Variants in MRC1 observed in about 807,000 individuals in gnomAD.
MRC1 encodes the protein macrophage mannose receptor 1.
A neutral mutation model predicts 102.9 loss-of-function variants in MRC1; 62 were observed. The observed-to-expected ratio is 0.60, with a 90% CI of 0.49 to 0.74. The LOEUF (loss-of-function observed/expected upper bound fraction) is 0.74, where lower values mean the gene tolerates loss of function less well. MRC1 is among the 30% of genes least tolerant of loss of function. The pLI, the probability that MRC1 is intolerant of heterozygous loss-of-function variation, is 0.00. For missense variants in MRC1, 1,237 were observed against 862.8 expected (o/e 1.43, Z -5.43); for synonymous variants, 457 against 298.4 (o/e 1.53, Z -5.48).
chr10:17,848,178 T>C (rs2130639359), intron 6 of MRC1, among the ~76,000 whole-genome samples: 1 of 152,278 alleles, frequency 6.6e-6, no homozygotes, highest in Admixed American at 6.5e-5. Flanking sequence ...AACGAACATA[T>C]ACTAAGACAG....
At position 17,902,002 on chromosome 10, in the gene MRC1, C is replaced by T. The variant is rs1833835611; in HGVS notation, c.3679C>T (p.Pro1227Ser). The change falls in exon 26 of 30, where the codon CCT becomes TCT. Residue 1227 changes from proline to serine, a missense_variant. Physicochemically the swap from Pro to Ser is moderately conservative, Grantham distance 74 (BLOSUM62 -1). Coordinates refer to ENST00000569591, the MANE Select transcript of MRC1 (RefSeq NM_002438.4). The part of the protein sequence containing the change: ...EIPATEPPQL[P>S]GRCPESDHTA... ...CCCTGCTACTGAACCCCCACAACTG[C>T]CTGGCAGATGCCCGGAGTCAGATCA... 5.1e-6 allele frequency: 4 copies of T among 780,776 alleles called. No individual in the cohort carries two copies. The Admixed American group carries it at 6.8e-5, about 13-fold the overall frequency. The allele number at this position is 780,776 out of a possible 1,614,324, so 48.4% of individuals were successfully genotyped here. A position where few individuals can be genotyped will look rare whatever the true frequency, so the allele number is the denominator to read the frequency against.
chr10:17,852,461 C>T (rs1838931517), intron 7 of MRC1, among the ~76,000 whole-genome samples: 1 of 152,068 alleles, frequency 6.6e-6, no homozygotes, highest in Non-Finnish European at 1.5e-5. Context: ...ACGGAAGTAT[C>T]TAGAATGTTC....
chr10:17,904,398 C>T (rs983997699), intron 26 of MRC1, among the ~76,000 whole-genome samples: 1 of 152,018 alleles, frequency 6.6e-6, no homozygotes, highest in Non-Finnish European at 1.5e-5. Context: ...TAGAAAATTC[C>T]TGCTTGACAG....
chr10:17,842,940 C>T (rs911607531), intron 5 of MRC1, among the ~76,000 whole-genome samples: 2 of 152,164 alleles, frequency 1.3e-5, no homozygotes, highest in Non-Finnish European at 2.9e-5. Flanking sequence ...TTTCTTCCAA[C>T]TAAAATTAGA....
intron 8 of MRC1, among the ~76,000 whole-genome samples, chr10:17,855,029 A>G (rs1213556871): frequency 6.6e-6 from 1 of 152,114 alleles, no homozygotes; most frequent in East Asian, 1.9e-4. Flanking sequence ...CAGCGAAGGG[A>G]AGGAAAGGAG....
In MRC1 at chr10:17,885,269, C is replaced by G; in HGVS notation, c.2981C>G (p.Ala994Gly). The G allele has an allele frequency of 1.3e-6, 1 of 780,820 alleles. No homozygotes were observed. Among genetic ancestry groups the G allele is most frequent in the East Asian group, 2.4e-5 (1 of 41,248 alleles). The allele number at this position is 780,820 out of a possible 1,614,324, so 48.4% of individuals were successfully genotyped here. A position where few individuals can be genotyped will look rare whatever the true frequency, so the allele number is the denominator to read the frequency against. ...LVSIQNEKEQ[A>G]FLTYHMKDST... is the part of the protein sequence containing the mutation. Reference sequence around the variant, plus strand: ...ATTATATCATGAAATTTTCTTTCAGCATTTCTTACCTATCACATGAAGGAC... The same window carrying G: ...ATTATATCATGAAATTTTCTTTCAGGATTTCTTACCTATCACATGAAGGAC... The change falls in exon 22 of 30, where the codon GCA becomes GGA. Residue 994 changes from alanine to glycine, a missense_variant and splice_region_variant. Physicochemically the swap from Ala to Gly is moderately conservative, Grantham distance 60. Coordinates refer to ENST00000569591, the MANE Select transcript of MRC1 (RefSeq NM_002438.4).
At chr10:17,884,317 A>G (rs1017436219) in intron 21 of MRC1, among the ~76,000 whole-genome samples, 97 of 152,260 alleles carry the variant, frequency 6.4e-4, no homozygotes, top group African/African-American at 2.2e-3. Context: ...ATCCAAGCAC[A>G]CTGAGTATAT....
chr10:17,852,434 A>G (rs1838931035), intron 7 of MRC1, among the ~76,000 whole-genome samples: 2 of 152,198 alleles, frequency 1.3e-5, no homozygotes, highest in African/African-American at 4.8e-5. Context: ...CACTCCCAGT[A>G]CAGTGATTGA....
At chr10:17,895,710 A>T (rs958844317) in intron 23 of MRC1, among the ~76,000 whole-genome samples, 8 of 152,344 alleles carry the variant, frequency 5.3e-5, no homozygotes, top group African/African-American at 1.7e-4. Context: ...TAGAATAAAA[A>T]TGCCTAGTTG....
intron 29 of MRC1, among the ~76,000 whole-genome samples, chr10:17,909,796 T>G (rs1461262525): frequency 6.6e-6 from 1 of 152,070 alleles, no homozygotes; most frequent in East Asian, 1.9e-4. Context: ...ACATCATGAG[T>G]GCCGTTTGTT....
rs890114484 is a variant in MRC1 at position 17,809,452 on chromosome 10, A to C, written c.-14A>C. 9.5e-4 allele frequency: 831 copies of C among 872,710 alleles called. 6 individuals are homozygous for C. The highest frequency in any genetic ancestry group is 3.2e-3 in the South Asian group (244 of 76,534). 54.1% of individuals were successfully genotyped at this position (872,710 alleles called of 1,614,324 possible). ...TCCTGTCCATCAGGAGAAGGAAAGG[A>C]TAAACCCTGGGCCATGAGGCTACCC... is the stretch of plus-strand genomic sequence containing the variant. On this transcript the variant is annotated 5_prime_UTR_variant, in exon 1 of 30. Coordinates refer to ENST00000569591, the MANE Select transcript of MRC1 (RefSeq NM_002438.4).
Position 17,875,307 on chromosome 10 carries a change from T to A in MRC1, c.2550+54T>A, listed in dbSNP as rs1348925093. On this transcript the variant is annotated intron_variant, in intron 17 of 29. Coordinates refer to ENST00000569591, the MANE Select transcript of MRC1 (RefSeq NM_002438.4). ...TTAATAGTTTTTGGGGAACAGGTGT[T>A]GTTTGGTTGTATGGAAAAGTTCTTT... 35 of 774,160 alleles carry A rather than the reference T, an allele frequency of 4.5e-5. No individual in the cohort carries two copies. The South Asian group carries it at 4.6e-4, about 10-fold the overall frequency. 48.0% of individuals were successfully genotyped at this position (774,160 alleles called of 1,614,324 possible). A position where few individuals can be genotyped will look rare whatever the true frequency, so the allele number is the denominator to read the frequency against.
At chr10:17,845,173 A>G in intron 5 of MRC1, 116 bp from the exon 6 acceptor site, 1 of 779,948 alleles carries the variant, frequency 1.3e-6, no homozygotes, top group South Asian at 1.3e-5. Context: ...GTGTAGCAAA[A>G]GACAGAATGG....
intron 12 of MRC1, among the ~76,000 whole-genome samples, chr10:17,867,451 C>T (rs982145870): frequency 7.8e-4 from 117 of 150,818 alleles, no homozygotes; most frequent in Non-Finnish European, 1.6e-3. Flanking sequence ...CCAGTGGGGT[C>T]GTGCTCTGTC....
At chr10:17,821,647 T>C (rs1838398102) in intron 1 of MRC1, among the ~76,000 whole-genome samples, 2 of 152,290 alleles carry the variant, frequency 1.3e-5, no homozygotes, top group South Asian at 2.1e-4. Flanking sequence ...AAATTTATTA[T>C]AAGCTTTAAG....
intron 3 of MRC1, among the ~76,000 whole-genome samples, chr10:17,832,713 G>A (rs977888551): frequency 0.015 from 2,225 of 150,314 alleles, 46 homozygotes; most frequent in African/African-American, 0.052. Flanking sequence ...TCAGCCTCCC[G>A]AGTAGCTGGG....
At chr10:17,906,580 T>C (rs1833898821) in intron 26 of MRC1, among the ~76,000 whole-genome samples, 1 of 152,212 alleles carries the variant, frequency 6.6e-6, no homozygotes, top group Admixed American at 6.5e-5. Flanking sequence ...AATATTTCTT[T>C]GTACTCTTGT....
chr10:17,865,689 C>A (rs1833256371), intron 11 of MRC1, among the ~76,000 whole-genome samples: 1 of 152,170 alleles, frequency 6.6e-6, no homozygotes, highest in Non-Finnish European at 1.5e-5. Flanking sequence ...GCCGCAGCCT[C>A]TGTAGTCATC....
chr10:17,891,911 T>A (rs2130706302), intron 22 of MRC1, among the ~76,000 whole-genome samples: 1 of 152,284 alleles, frequency 6.6e-6, no homozygotes, highest in South Asian at 2.1e-4. Context: ...TATTTCGTAG[T>A]CCTATGATGG....
Sources: allele counts gnomAD v4.1 joint callset (sites outside exome capture counted in the v4.1 genomes callset), GRCh38; gene constraint gnomAD v4.1.1; transcripts MANE v1.5; gene names NCBI Gene and HGNC (gene_info 2026-07-23, HGNC 2026-07-21).